The following WAC variants were observed in gnomAD, a reference collection of about 807,000 sequenced individuals.
WAC encodes WW domain containing adaptor with coiled-coil, also known as WW domain-containing adapter protein with coiled-coil.
A neutral mutation model predicts 79.6 loss-of-function variants in WAC; 11 were observed. The ratio of observed to expected loss-of-function variants is 0.14; its 90% confidence interval spans 0.09 to 0.23. WAC has a LOEUF of 0.23. WAC is among the 10% of genes least tolerant of loss of function. The probability of loss-of-function intolerance (pLI) is 1.00; values close to 1 mark genes in which losing one functional copy is unlikely to be tolerated. For missense variants in WAC, 728 were observed against 773.5 expected (o/e 0.94, Z 0.70); for synonymous variants, 304 against 276.9 (o/e 1.10, Z -0.97).
At position 28,620,330 on chromosome 10, in the gene WAC, CTACT is replaced by C. The variant is rs1173351067; in HGVS notation, c.*726_*729del. 5 of 150,748 alleles carry C rather than the reference CTACT, an allele frequency of 3.3e-5. No homozygotes were observed. Among genetic ancestry groups the C allele is most frequent in the African/African-American group, 1.2e-4 (5 of 40,614 alleles). The allele number at this position is 150,748 out of a possible 1,614,324, so 9.3% of individuals were successfully genotyped here. A position where few individuals can be genotyped will look rare whatever the true frequency, so the allele number is the denominator to read the frequency against. Reference sequence around the variant, plus strand: ...TAAAATTGCAGTGATTGAGCATAACCTACTTGTTTGTATAAATTATTGAAATCCA... The same window carrying C: ...TAAAATTGCAGTGATTGAGCATAACCTGTTTGTATAAATTATTGAAATCCA... On this transcript the variant is annotated 3_prime_UTR_variant, in exon 14 of 14. Transcript: ENST00000354911.
Position 28,611,796 on chromosome 10 carries a change from G to A in WAC, c.1311G>A (p.Pro437=), listed in dbSNP as rs1181100433. 13 of 1,613,718 alleles carry A rather than the reference G, an allele frequency of 8.1e-6. No homozygotes were observed. The highest frequency in any genetic ancestry group is 4.5e-5 in the East Asian group (2 of 44,862). ...STQAQPSNQS[P]MSLTSDASSP... ...CAGCCCAGCCATCTAATCAGTCTCC[G>A]ATGTCTTTAACATCTGATGCGTCAT... is the stretch of plus-strand genomic sequence containing the variant. The change falls in exon 10 of 14, where the codon CCG becomes CCA. Residue 437 remains proline (P), a synonymous_variant. Coordinates refer to ENST00000354911, the MANE Select transcript of WAC (RefSeq NM_016628.5).
At position 28,608,300 on chromosome 10, in the gene WAC, T is replaced by C. The variant is rs1166732195; in HGVS notation, c.1034T>C (p.Val345Ala). The change falls in exon 8 of 14, where the codon GTT becomes GCT. Residue 345 changes from valine to alanine, a missense_variant. Val to Ala is a moderately conservative substitution (Grantham distance 64). Transcript: ENST00000354911. ...CCAACATCTGCTTCAGCGGTCCCTG[T>C]TTCTCCTGTTCCACAGTCGCCAATA... ...APPTSASAVPVSPVPQSPIPP... is the reference protein window; with the variant it reads ...APPTSASAVPASPVPQSPIPP... 6.2e-7 allele frequency: 1 copy of C among 1,614,224 alleles called. No homozygotes were observed. Among genetic ancestry groups the C allele is most frequent in the East Asian group, 2.2e-5 (1 of 44,892 alleles).
intron 3 of WAC, among the ~76,000 whole-genome samples, chr10:28,547,289 C>A (rs995524095): frequency 1.3e-5 from 2 of 152,090 alleles, no homozygotes; most frequent in African/African-American, 4.8e-5. Context: ...AATCCCAGCG[C>A]TTTGGGAGGG....
chr10:28,584,549 T>C (rs1450325169), intron 4 of WAC, among the ~76,000 whole-genome samples: 1 of 152,102 alleles, frequency 6.6e-6, no homozygotes, highest in African/African-American at 2.4e-5. Context: ...TTTAAAAAAT[T>C]ATCTCGGGTA....
chr10:28,575,617 A>T (rs375595337), intron 3 of WAC, among the ~76,000 whole-genome samples: 1 of 152,202 alleles, frequency 6.6e-6, no homozygotes, highest in Non-Finnish European at 1.5e-5. Context: ...CGCTTTGGCA[A>T]TTTGTATGTC....
intron 5 of WAC, 61 bp from the exon 6 acceptor site, chr10:28,590,659 A>C: frequency 7.2e-7 from 1 of 1,381,770 alleles, no homozygotes; most frequent in Non-Finnish European, 9.9e-7. Flanking sequence ...AGAGCTGTTT[A>C]GTATGGAAAC....
At chr10:28,589,656 A>G (rs770829494) in intron 4 of WAC, 80 bp from the exon 5 acceptor site, 7 of 876,214 alleles carry the variant, frequency 8.0e-6, no homozygotes, top group African/African-American at 1.7e-5. Flanking sequence ...GTTTTCCTGT[A>G]TGTGTGCTTT....
intron 4 of WAC, among the ~76,000 whole-genome samples, chr10:28,586,512 C>CA (rs1839828981): frequency 6.6e-6 from 1 of 151,318 alleles, no homozygotes; most frequent in Admixed American, 6.6e-5. Flanking sequence ...CCTGTCTCTA[C>CA]AAAAAAATAA....
chr10:28,539,938 A>C (rs1290316571), intron 3 of WAC, among the ~76,000 whole-genome samples: 1 of 152,190 alleles, frequency 6.6e-6, no homozygotes, highest in Non-Finnish European at 1.5e-5. Context: ...CTAACTTTCA[A>C]ATAAAAGTTA....
Position 28,549,497 on chromosome 10 carries a change from T to A in WAC, c.274+13740T>A, listed in dbSNP as rs547862353. On this transcript the variant is annotated intron_variant, in intron 3 of 13. Transcript: ENST00000354911. Reference sequence around the variant, plus strand: ...GTCCTGATTAATGCCTGGGAAGTTGTCCCTGATTCTTTTTTCCTGTGTTTA... The same window carrying A: ...GTCCTGATTAATGCCTGGGAAGTTGACCCTGATTCTTTTTTCCTGTGTTTA... Among the ~76,000 whole-genome samples, 31 of 152,300 alleles carry A rather than the reference T, an allele frequency of 2.0e-4. 1 individual carries two copies. The highest frequency in any genetic ancestry group is 1.6e-3 in the Admixed American group (24 of 15,298).
At chr10:28,583,906 C>T (rs1386744173) in intron 4 of WAC, among the ~76,000 whole-genome samples, 2 of 152,170 alleles carry the variant, frequency 1.3e-5, no homozygotes, top group Non-Finnish European at 2.9e-5. Context: ...TACACACTCT[C>T]CCAGACGCTA....
At chr10:28,610,895 A>T (rs1264926027) in intron 9 of WAC, 74 bp downstream of exon 9, 1 of 1,412,364 alleles carries the variant, frequency 7.1e-7, no homozygotes, top group African/African-American at 1.6e-5. Flanking sequence ...CCTTTTTTGT[A>T]TTTAGTTTTT....
chr10:28,604,882 A>G (rs1245039344), intron 7 of WAC, among the ~76,000 whole-genome samples: 1 of 152,248 alleles, frequency 6.6e-6, no homozygotes, highest in Non-Finnish European at 1.5e-5. Flanking sequence ...CAACACTTTA[A>G]ATATAAAACT....
rs1841641123 is a variant in WAC, at chr10:28,620,235, T to C, written c.*629T>C. 6.5e-6 allele frequency: 1 copy of C among 152,708 alleles called. No individual in the cohort carries two copies. Among genetic ancestry groups the C allele is most frequent in the Admixed American group, 6.5e-5 (1 of 15,286 alleles). 9.5% of individuals were successfully genotyped at this position (152,708 alleles called of 1,614,324 possible). On this transcript the variant is annotated 3_prime_UTR_variant, in exon 14 of 14. Coordinates refer to ENST00000354911, the MANE Select transcript of WAC (RefSeq NM_016628.5). ...TATCCATTTTTTTAAGGCTCCTCTT[T>C]ATCTCCTTTCTTAAGGCACTGTTGC... is the stretch of plus-strand genomic sequence containing the variant.
chr10:28,592,775 CT>C (rs1237853689), intron 6 of WAC, among the ~76,000 whole-genome samples: 1 of 151,922 alleles, frequency 6.6e-6, no homozygotes, highest in African/African-American at 2.4e-5. Flanking sequence ...GGAATATATA[CT>C]TTTTTTTCTG....
chr10:28,610,429 A>C (rs1841177686), intron 8 of WAC, among the ~76,000 whole-genome samples: 1 of 152,060 alleles, frequency 6.6e-6, no homozygotes, highest in Admixed American at 6.5e-5. Flanking sequence ...AATTTTGTAG[A>C]GAGACTTTGT....
chr10:28,545,245 A>G (rs1311124639), intron 3 of WAC, among the ~76,000 whole-genome samples: 1 of 152,080 alleles, frequency 6.6e-6, no homozygotes, highest in Admixed American at 6.6e-5. Flanking sequence ...TAATCCCAGC[A>G]TTTTGGGAGG....
At chr10:28,597,025 T>C (rs1564409324) in intron 7 of WAC, among the ~76,000 whole-genome samples, 1 of 152,144 alleles carries the variant, frequency 6.6e-6, no homozygotes, top group African/African-American at 2.4e-5. Context: ...AACTCAACTA[T>C]AAATACATTT....
rs1056715652 is a variant in WAC at position 28,622,568 on chromosome 10, C to G, written c.*2962C>G. ...CAGCTTTCCTACGCTTTTTATTTTT[C>G]TAACTTGTCTAACCTGATTTTAAAA... On this transcript the variant is annotated 3_prime_UTR_variant, in exon 14 of 14. Coordinates refer to ENST00000354911, the MANE Select transcript of WAC (RefSeq NM_016628.5). The G allele has an allele frequency of 3.3e-5, 5 of 152,000 alleles. No individual in the cohort carries two copies. The highest frequency in any genetic ancestry group is 2.1e-4 in the South Asian group (1 of 4,818). The allele number at this position is 152,000 out of a possible 1,614,324, so 9.4% of individuals were successfully genotyped here.
Sources: gnomAD v4.1 joint callset for allele counts (sites outside exome capture counted in the v4.1 genomes callset) on GRCh38, gnomAD v4.1.1 for gene constraint, MANE v1.5 for transcripts, NCBI Gene and HGNC (gene_info 2026-07-23, HGNC 2026-07-21) for gene names.